The following PABPC4L variants were observed in gnomAD, a reference collection of about 807,000 sequenced individuals.
PABPC4L encodes polyadenylate-binding protein 4-like.
For synonymous variants in PABPC4L, 169 were observed against 164.1 expected, an observed-to-expected ratio of 1.03 and a Z score of -0.23; for missense variants, 452 against 451.4, an observed-to-expected ratio of 1.00 and a Z score of -0.01.
the PABPC4L span, among the ~76,000 whole-genome samples, chr4:134,063,326 T>C: frequency 6.6e-6 from 1 of 152,060 alleles, no homozygotes; most frequent in South Asian, 2.1e-4. Flanking sequence ...TCATTATTAA[T>C]AGCTTTCTCT....
At chr4:134,122,286 T>C in the PABPC4L span, among the ~76,000 whole-genome samples, 4 of 151,922 alleles carry the variant, frequency 2.6e-5, no homozygotes, top group African/African-American at 9.7e-5. Context: ...CTGTATTGCC[T>C]CACAGAATAT....
At chr4:134,064,567 T>C in the PABPC4L span, among the ~76,000 whole-genome samples, 1 of 152,090 alleles carries the variant, frequency 6.6e-6, no homozygotes, top group East Asian at 1.9e-4. Context: ...CATGACCATA[T>C]AGAAACACTT....
chr4:133,951,146 G>A, the PABPC4L span, among the ~76,000 whole-genome samples: 1 of 152,048 alleles, frequency 6.6e-6, no homozygotes, highest in African/African-American at 2.4e-5. Flanking sequence ...CATAGCCATT[G>A]TCTCTTGCCA....
the PABPC4L span, among the ~76,000 whole-genome samples, chr4:134,188,276 T>A: frequency 3.3e-5 from 5 of 152,180 alleles, no homozygotes; most frequent in Non-Finnish European, 7.4e-5. Flanking sequence ...GCCCAGTTCA[T>A]GATCATACAT....
At chr4:134,102,857 T>G in the PABPC4L span, among the ~76,000 whole-genome samples, 3 of 151,532 alleles carry the variant, frequency 2.0e-5, no homozygotes, top group South Asian at 6.2e-4. Flanking sequence ...TAAGTACATG[T>G]AAAATGGTCT....
At chr4:134,052,990 T>C in the PABPC4L span, among the ~76,000 whole-genome samples, 21 of 152,242 alleles carry the variant, frequency 1.4e-4, no homozygotes, top group South Asian at 4.1e-4. Context: ...GATAATTTTC[T>C]TCTCTTTAAA....
At chr4:133,992,056 C>T in the PABPC4L span, among the ~76,000 whole-genome samples, 188 of 152,198 alleles carry the variant, frequency 1.2e-3, 3 homozygotes, top group East Asian at 0.036. Context: ...GTCCCAGGTG[C>T]CGTAAAGTGT....
chr4:134,191,065 T>C, the PABPC4L span, among the ~76,000 whole-genome samples: 1 of 152,166 alleles, frequency 6.6e-6, no homozygotes, highest in Non-Finnish European at 1.5e-5. Context: ...AATTGCATAA[T>C]TGTCAGTAGA....
chr4:134,040,387 C>G, the PABPC4L span, among the ~76,000 whole-genome samples: 2 of 151,894 alleles, frequency 1.3e-5, no homozygotes. Flanking sequence ...AGATATAGAC[C>G]AATGGAACAG....
chr4:134,129,573 T>A, the PABPC4L span, among the ~76,000 whole-genome samples: 3 of 152,072 alleles, frequency 2.0e-5, no homozygotes, highest in Non-Finnish European at 2.9e-5. Flanking sequence ...TTCTGAATGA[T>A]CATTGGGTCA....
the PABPC4L span, among the ~76,000 whole-genome samples, chr4:134,108,852 G>A: frequency 4.6e-5 from 7 of 151,944 alleles, no homozygotes; most frequent in East Asian, 1.4e-3. Flanking sequence ...CAGTAAGGAG[G>A]ACATTTTTAT....
the PABPC4L span, among the ~76,000 whole-genome samples, chr4:134,021,424 G>A: frequency 3.9e-5 from 6 of 152,076 alleles, no homozygotes; most frequent in South Asian, 2.1e-4. Context: ...AATAGCTTGC[G>A]CTTTCAGGTT....
chr4:134,147,853 GA>G, the PABPC4L span, among the ~76,000 whole-genome samples: 1 of 151,858 alleles, frequency 6.6e-6, no homozygotes, highest in Non-Finnish European at 1.5e-5. Flanking sequence ...TGGAGATGTG[GA>G]AAAATGATAG....
the PABPC4L span, among the ~76,000 whole-genome samples, chr4:134,089,412 A>C: frequency 6.6e-6 from 1 of 152,196 alleles, no homozygotes. Flanking sequence ...TATCACCCAA[A>C]GTCCACAGTT....
the PABPC4L span, among the ~76,000 whole-genome samples, chr4:134,191,072 T>C: frequency 7.9e-5 from 12 of 152,174 alleles, no homozygotes; most frequent in Admixed American, 2.0e-4. Flanking sequence ...TAATTGTCAG[T>C]AGAAATATTC....
the PABPC4L span, among the ~76,000 whole-genome samples, chr4:133,967,944 C>T: frequency 1.3e-5 from 2 of 152,100 alleles, no homozygotes; most frequent in Admixed American, 6.5e-5. Flanking sequence ...CAATAGAATA[C>T]CCCCTTTCTC....
At chr4:134,143,773 G>T in the PABPC4L span, among the ~76,000 whole-genome samples, 1 of 151,280 alleles carries the variant, frequency 6.6e-6, no homozygotes, top group Non-Finnish European at 1.5e-5. Context: ...ATAAATAAAT[G>T]AAACTTTTTA....
At chr4:134,096,493 T>C in the PABPC4L span, among the ~76,000 whole-genome samples, 1 of 151,946 alleles carries the variant, frequency 6.6e-6, no homozygotes, top group South Asian at 2.1e-4. Context: ...CTACAAGTTT[T>C]TTGTACATAT....
the PABPC4L span, among the ~76,000 whole-genome samples, chr4:134,044,582 T>A: frequency 6.6e-6 from 1 of 152,126 alleles, no homozygotes; most frequent in East Asian, 1.9e-4. Flanking sequence ...TATATTATAA[T>A]GAGCTTCACC....
Sources: allele counts gnomAD v4.1 joint callset (sites outside exome capture counted in the v4.1 genomes callset), GRCh38; gene constraint gnomAD v4.1.1; transcripts MANE v1.5; gene names NCBI Gene and HGNC (gene_info 2026-07-23, HGNC 2026-07-21).